AZIN2: variants seen among roughly 807,000 people sequenced by gnomAD.
The protein encoded by AZIN2 is antizyme inhibitor 2.
AZIN2 carries 28 observed loss-of-function variants against 47.8 expected under a neutral mutation model. The ratio of observed to expected loss-of-function variants is 0.59; its 90% CI spans 0.43 to 0.80. AZIN2 has a LOEUF of 0.80. Ranked by LOEUF, AZIN2 falls within the 30% of genes least tolerant of loss-of-function variation. AZIN2 has a pLI of 0.00. For synonymous variants in AZIN2, 221 were observed against 239.4 expected, an observed-to-expected ratio of 0.92 and a Z score of 0.71; for missense variants, 535 against 582.5, an observed-to-expected ratio of 0.92 and a Z score of 0.84.
downstream of AZIN2, among the ~76,000 whole-genome samples, chr1:33,127,031 G>A (rs1352593524): frequency 2.0e-5 from 3 of 152,222 alleles, no homozygotes; most frequent in Non-Finnish European, 4.4e-5. Flanking sequence ...AGTTCTGTGA[G>A]ACTTGCCTCA....
the AZIN2 span, chr1:33,159,583 G>A: frequency 2.1e-6 from 3 of 1,425,190 alleles, no homozygotes; most frequent in Admixed American, 7.6e-5. The surrounding 1 kb of genome is among the most constrained non-coding windows in gnomAD (Gnocchi z 4.2). Context: ...AGATTTGAAT[G>A]AAAGAATTCT....
chr1:33,110,781 A>G (rs1304095195), intron 10 of AZIN2, among the ~76,000 whole-genome samples: 1 of 152,232 alleles, frequency 6.6e-6, no homozygotes, highest in African/African-American at 2.4e-5. Flanking sequence ...AAGAGACTGT[A>G]TCAGGATACA....
the AZIN2 span, among the ~76,000 whole-genome samples, chr1:33,135,058 G>C: frequency 6.6e-6 from 1 of 152,178 alleles, no homozygotes; most frequent in African/African-American, 2.4e-5. Context: ...AGCCGATGTG[G>C]GTGGATCACC....
At chr1:33,101,000 T>C (rs1643640652) in intron 10 of AZIN2, among the ~76,000 whole-genome samples, 1 of 152,100 alleles carries the variant, frequency 6.6e-6, no homozygotes, top group Non-Finnish European at 1.5e-5. Context: ...TAGCTGGGAT[T>C]ACAGGTGTGT....
At chr1:33,132,756 T>G in the AZIN2 span, among the ~76,000 whole-genome samples, 158 of 152,350 alleles carry the variant, frequency 1.0e-3, no homozygotes, top group African/African-American at 3.4e-3. Context: ...GGCACGCACT[T>G]GAGTGTCATT....
chr1:33,099,768 C>T (rs1288913637), intron 10 of AZIN2, among the ~76,000 whole-genome samples: 2 of 152,316 alleles, frequency 1.3e-5, no homozygotes, highest in South Asian at 4.1e-4. Flanking sequence ...CTCTTAACTG[C>T]TTTTCAAGTT....
intron 10 of AZIN2, among the ~76,000 whole-genome samples, chr1:33,117,170 TTG>T (rs1644581615): frequency 6.6e-6 from 1 of 152,230 alleles, no homozygotes; most frequent in Admixed American, 6.5e-5. Flanking sequence ...ATGGGAGTAA[TTG>T]TGTCTACTCT....
the AZIN2 span, chr1:33,147,111 A>G: frequency 5.2e-5 from 81 of 1,555,416 alleles, no homozygotes; most frequent in South Asian, 5.4e-4. The surrounding 1 kb of genome is among the most constrained non-coding windows in gnomAD (Gnocchi z 8.1). Flanking sequence ...CAGGTCTTCT[A>G]TCTCCTGGGC....
chr1:33,086,014 G>A (rs1456597792), intron 5 of AZIN2, among the ~76,000 whole-genome samples: 1 of 152,202 alleles, frequency 6.6e-6, no homozygotes. Context: ...AGAGTTTTCT[G>A]CTTCAGGAAC....
At chr1:33,152,555 G>A in the AZIN2 span, among the ~76,000 whole-genome samples, 157 of 133,158 alleles carry the variant, frequency 1.2e-3, 2 homozygotes, top group Non-Finnish European at 1.3e-3. Context: ...CAACAAGAGT[G>A]AAACTCCGTC....
chr1:33,090,672 C>T (rs563322582), intron 5 of AZIN2, among the ~76,000 whole-genome samples: 1 of 152,340 alleles, frequency 6.6e-6, no homozygotes, highest in African/African-American at 2.4e-5. Flanking sequence ...GCTAATTAGG[C>T]ATTAACTCAC....
the AZIN2 span, among the ~76,000 whole-genome samples, chr1:33,134,672 G>C: frequency 1.3e-5 from 2 of 152,232 alleles, no homozygotes; most frequent in Non-Finnish European, 2.9e-5. Flanking sequence ...TGTGGCATGG[G>C]AGACTGCAGG....
the AZIN2 span, among the ~76,000 whole-genome samples, chr1:33,132,484 C>G: frequency 6.6e-6 from 1 of 152,210 alleles, no homozygotes; most frequent in East Asian, 1.9e-4. Context: ...TCTGTTCCCT[C>G]TGCCTGGACT....
chr1:33,158,106 C>G, the AZIN2 span: 1 of 645,562 alleles, frequency 1.5e-6, no homozygotes. Flanking sequence ...GTGCAGGTGC[C>G]CAGGACAGGT....
chr1:33,123,714 A>T (rs1342117012), downstream of AZIN2, among the ~76,000 whole-genome samples: 1 of 152,112 alleles, frequency 6.6e-6, no homozygotes, highest in Admixed American at 6.5e-5. Flanking sequence ...GATACAAAAA[A>T]TTGGCAAGGA....
chr1:33,142,602 A>G, the AZIN2 span: 6 of 152,200 alleles, frequency 3.9e-5, no homozygotes, highest in Admixed American at 3.3e-4. Context: ...GGCCTTTCTA[A>G]CTCCACCTCT....
downstream of AZIN2, among the ~76,000 whole-genome samples, chr1:33,128,330 G>A (rs1188349876): frequency 6.6e-6 from 1 of 152,122 alleles, no homozygotes; most frequent in African/African-American, 2.4e-5. Context: ...TGAGCCGTGA[G>A]TGGGGCACTG....
the AZIN2 span, chr1:33,158,162 C>T: frequency 8.3e-7 from 1 of 1,204,398 alleles, no homozygotes; most frequent in Non-Finnish European, 1.2e-6. Flanking sequence ...CTCATTCACC[C>T]CAACTGCCCC....
chr1:33,101,705 T>G, intron 10 of AZIN2: 1 of 582,116 alleles, frequency 1.7e-6, no homozygotes, highest in East Asian at 2.8e-5. Context: ...TCTTTTTCAG[T>G]ATAGGTTTAT....
Sources: gnomAD v4.1 joint callset for allele counts (sites outside exome capture counted in the v4.1 genomes callset) on GRCh38, gnomAD v4.1.1 for gene constraint, Gnocchi (gnomAD v3.1) non-coding constraint, MANE v1.5 for transcripts, NCBI Gene and HGNC (gene_info 2026-07-23, HGNC 2026-07-21) for gene names.